The following SCAPER variants were observed in gnomAD, a reference collection of about 807,000 sequenced individuals.
The protein encoded by SCAPER is S phase cyclin A-associated protein in the endoplasmic reticulum.
SCAPER carries 98 observed loss-of-function variants against 182.2 expected under a neutral mutation model. The observed-to-expected ratio is 0.54, with a 90% CI of 0.46 to 0.64. The LOEUF is 0.64. SCAPER is among the 30% of genes least tolerant of loss of function. The pLI, the probability that SCAPER is intolerant of heterozygous loss-of-function variation, is 0.00. For synonymous variants in SCAPER, 605 were observed against 564.6 expected, an observed-to-expected ratio of 1.07 and a Z score of -1.01; for missense variants, 1,432 against 1,690.0, an observed-to-expected ratio of 0.85 and a Z score of 2.68.
At chr15:76,617,203 G>C (rs1381546500) in intron 22 of SCAPER, among the ~76,000 whole-genome samples, 1 of 152,114 alleles carries the variant, frequency 6.6e-6, no homozygotes, top group Non-Finnish European at 1.5e-5. Flanking sequence ...CCTGTGTCTA[G>C]AAGTTTATTT....
chr15:76,539,762 G>C (rs1306793659), intron 23 of SCAPER, among the ~76,000 whole-genome samples: 1 of 152,024 alleles, frequency 6.6e-6, no homozygotes, highest in African/African-American at 2.4e-5. Flanking sequence ...AGCCAGGATG[G>C]TCTCGATCTC....
chr15:76,815,709 T>C (rs2067020498), intron 5 of SCAPER, among the ~76,000 whole-genome samples: 1 of 152,094 alleles, frequency 6.6e-6, no homozygotes, highest in Admixed American at 6.5e-5. Context: ...ACAAACCCTA[T>C]TGTGAGCGGC....
intron 24 of SCAPER, among the ~76,000 whole-genome samples, chr15:76,502,053 T>C (rs760744459): frequency 1.3e-5 from 2 of 152,196 alleles, no homozygotes; most frequent in Non-Finnish European, 2.9e-5. Context: ...AGTTATGATA[T>C]GGAGACTGTG....
chr15:76,636,559 C>T (rs925637208), intron 21 of SCAPER, among the ~76,000 whole-genome samples: 6 of 152,074 alleles, frequency 3.9e-5, no homozygotes, highest in Non-Finnish European at 8.8e-5. Flanking sequence ...CTTCAGGGAG[C>T]CATCAGACAG....
intron 2 of SCAPER, among the ~76,000 whole-genome samples, chr15:76,876,395 T>C (rs1595877494): frequency 7.2e-6 from 1 of 138,620 alleles, no homozygotes; most frequent in African/African-American, 2.8e-5. Flanking sequence ...GCTACTGCAC[T>C]CCAGCCTGGG....
At chr15:76,737,280 G>A (rs975150174) in intron 15 of SCAPER, among the ~76,000 whole-genome samples, 3 of 152,226 alleles carry the variant, frequency 2.0e-5, no homozygotes, top group Non-Finnish European at 2.9e-5. Flanking sequence ...TGGATGTTAC[G>A]TTAGCAGGCA....
intron 11 of SCAPER, among the ~76,000 whole-genome samples, chr15:76,766,389 C>T (rs959802429): frequency 6.6e-6 from 1 of 152,112 alleles, no homozygotes; most frequent in Non-Finnish European, 1.5e-5. Flanking sequence ...GCCACCACAC[C>T]CAGCCTACTT....
chr15:76,739,346 A>C (rs2061433614), intron 15 of SCAPER, among the ~76,000 whole-genome samples: 1 of 152,210 alleles, frequency 6.6e-6, no homozygotes, highest in South Asian at 2.1e-4. Context: ...TCCTTTCCTT[A>C]GTAAGTTGAG....
At chr15:76,594,837 T>C (rs1198058562) in intron 22 of SCAPER, among the ~76,000 whole-genome samples, 2 of 120,880 alleles carry the variant, frequency 1.7e-5, no homozygotes, top group East Asian at 4.4e-4. Context: ...GAACTAAATA[T>C]GGAAAGGAAC....
At chr15:76,605,313 G>A (rs1325596264) in intron 22 of SCAPER, among the ~76,000 whole-genome samples, 1 of 152,030 alleles carries the variant, frequency 6.6e-6, no homozygotes, top group Non-Finnish European at 1.5e-5. Flanking sequence ...CTGTTTATAT[G>A]CTGGATTATG....
At chr15:76,704,447 C>A (rs1039243937) in intron 18 of SCAPER, among the ~76,000 whole-genome samples, 1 of 152,044 alleles carries the variant, frequency 6.6e-6, no homozygotes, top group African/African-American at 2.4e-5. Flanking sequence ...AGGGTTTTTA[C>A]CGTTTTAGGT....
intron 16 of SCAPER, among the ~76,000 whole-genome samples, chr15:76,729,033 A>G (rs1253388528): frequency 6.6e-6 from 1 of 152,130 alleles, no homozygotes; most frequent in African/African-American, 2.4e-5. Context: ...CAGCGAGGCT[A>G]GAATATAAAG....
intron 2 of SCAPER, among the ~76,000 whole-genome samples, chr15:76,864,970 T>C (rs1454308983): frequency 2.0e-5 from 3 of 152,220 alleles, no homozygotes; most frequent in African/African-American, 7.2e-5. Flanking sequence ...GTTATACTCC[T>C]TGGCAGTAAA....
rs745436447 is a variant in SCAPER, at chr15:76,381,307, T to G, written c.3705+71A>C. Reference sequence around the variant, plus strand: ...CTTATGCCCCAATTCAGGAGAAGAATCTGACATCCTATCTACACTAAAATA... The same window carrying G: ...CTTATGCCCCAATTCAGGAGAAGAAGCTGACATCCTATCTACACTAAAATA... On this transcript the variant is annotated intron_variant, in intron 28 of 31. Coordinates refer to ENST00000563290, the MANE Select transcript of SCAPER (RefSeq NM_020843.4). The G allele has an allele frequency of 7.1e-6, 9 of 1,260,138 alleles. No individual in the cohort carries two copies. In the East Asian group the frequency reaches 2.2e-4, roughly 31 times the overall value. The allele number at this position is 1,260,138 out of a possible 1,614,324, so 78.1% of individuals were successfully genotyped here. A position where few individuals can be genotyped will look rare whatever the true frequency, so the allele number is the denominator to read the frequency against.
chr15:76,578,588 G>C (rs886406230), intron 22 of SCAPER, among the ~76,000 whole-genome samples: 1 of 152,184 alleles, frequency 6.6e-6, no homozygotes, highest in Non-Finnish European at 1.5e-5. Flanking sequence ...AATTCTTCTG[G>C]ATCTTATCCA....
At chr15:76,902,534 A>G (rs575066578) in intron 1 of SCAPER, among the ~76,000 whole-genome samples, 381 of 152,292 alleles carry the variant, frequency 2.5e-3, no homozygotes, top group Non-Finnish European at 4.4e-3. Flanking sequence ...TGCAAACAGA[A>G]TTTTATTAAT....
chr15:76,659,277 CT>C (rs370588073), intron 21 of SCAPER, among the ~76,000 whole-genome samples: 14 of 149,270 alleles, frequency 9.4e-5, no homozygotes, highest in Non-Finnish European at 8.9e-5. Flanking sequence ...TACAGACACA[CT>C]TTTTTTTTTA....
At chr15:76,488,135 G>C (rs1231652100) in intron 24 of SCAPER, among the ~76,000 whole-genome samples, 1 of 151,724 alleles carries the variant, frequency 6.6e-6, no homozygotes, top group Non-Finnish European at 1.5e-5. Flanking sequence ...TTATATAACA[G>C]CTCAAGATAA....
At chr15:76,746,069 C>T (rs2061777887) in intron 15 of SCAPER, among the ~76,000 whole-genome samples, 1 of 152,114 alleles carries the variant, frequency 6.6e-6, no homozygotes, top group Non-Finnish European at 1.5e-5. Context: ...ATGTAATACA[C>T]CAGATCAATA....
Sources: allele counts gnomAD v4.1 joint callset (sites outside exome capture counted in the v4.1 genomes callset), GRCh38; gene constraint gnomAD v4.1.1; transcripts MANE v1.5; gene names NCBI Gene and HGNC (gene_info 2026-07-23, HGNC 2026-07-21).